Variants in RNF157 observed in about 807,000 individuals in gnomAD.
RNF157 encodes E3 ubiquitin ligase RNF157.
Under a neutral mutation model 88.3 loss-of-function variants are expected in RNF157, and 55 were observed. The ratio of observed to expected loss-of-function variants is 0.62; its 90% CI spans 0.50 to 0.78. The LOEUF is 0.78. Ranked by LOEUF, RNF157 falls within the 30% of genes least tolerant of loss-of-function variation. The probability of loss-of-function intolerance (pLI) is 0.00; values close to 1 mark genes in which losing one functional copy is unlikely to be tolerated. For missense variants in RNF157, 788 were observed against 860.8 expected, an observed-to-expected ratio of 0.92 and a Z score of 1.06; for synonymous variants, 334 against 341.2, an observed-to-expected ratio of 0.98 and a Z score of 0.23.
At chr17:76,215,517 G>A (rs2069873317) in intron 1 of RNF157, among the ~76,000 whole-genome samples, 3 of 136,274 alleles carry the variant, frequency 2.2e-5, no homozygotes, top group African/African-American at 5.6e-5. Flanking sequence ...AAAGAAAAAA[G>A]GAAAAAAAGA....
intron 2 of RNF157, among the ~76,000 whole-genome samples, chr17:76,204,632 A>C (rs73360646): frequency 0.1 from 15,711 of 152,226 alleles, 1,790 homozygotes; most frequent in African/African-American, 0.28. Context: ...TATACTACCA[A>C]GTTCCTTTAA....
In RNF157 at chr17:76,225,519, A is replaced by G. The variant is rs368915312; in HGVS notation, c.89-13037T>C. Among the ~76,000 whole-genome samples the G allele has an allele frequency of 1.1e-4, 17 of 152,234 alleles. No individual in the cohort carries two copies. The South Asian group carries it at 3.5e-3, about 32-fold the overall frequency. On this transcript the variant is annotated intron_variant, in intron 1 of 18. Transcript: ENST00000269391. ...CTGTTCTATTATTTTTTTTAATTGA[A>G]TGGACTATTTGAATGCACATATTGT... is the stretch of plus-strand genomic sequence containing the variant.
chr17:76,212,587 C>T (rs2069821289), intron 1 of RNF157, 105 bp from the exon 2 acceptor site: 10 of 708,614 alleles, frequency 1.4e-5, no homozygotes, highest in South Asian at 5.2e-5. Context: ...TTGGGCTGTG[C>T]GTGGTGGCTC....
rs1394691070 is a variant in RNF157, at chr17:76,143,366, A to C, written c.*1869T>G. 1.3e-5 allele frequency: 2 copies of C among 152,196 alleles called. No individual in the cohort carries two copies. The highest frequency in any genetic ancestry group is 2.9e-5 in the Non-Finnish European group (2 of 68,040). 9.4% of individuals were successfully genotyped at this position (152,196 alleles called of 1,614,324 possible). Reference sequence around the variant, plus strand: ...CCTCCCAGGTAACACCACACTGTGAATACTACCTGCAGGGGACAGGACAGG... The same window carrying C: ...CCTCCCAGGTAACACCACACTGTGACTACTACCTGCAGGGGACAGGACAGG... On this transcript the variant is annotated 3_prime_UTR_variant, in exon 19 of 19. Coordinates refer to ENST00000269391, the MANE Select transcript of RNF157 (RefSeq NM_052916.3).
At chr17:76,167,508 G>T in intron 4 of RNF157, 143 bp downstream of exon 4, 1 of 1,211,962 alleles carries the variant, frequency 8.3e-7, no homozygotes, top group Non-Finnish European at 1.2e-6. Flanking sequence ...CTTGCTGAGT[G>T]GATAAGACAT....
chr17:76,178,201 C>T (rs1397494338), intron 2 of RNF157, among the ~76,000 whole-genome samples: 1 of 152,222 alleles, frequency 6.6e-6, no homozygotes, highest in Non-Finnish European at 1.5e-5. Context: ...CGTCGGGGAG[C>T]CCAGACCTGG....
intron 1 of RNF157, chr17:76,225,947 T>C (rs1366552461): frequency 1.1e-5 from 17 of 1,612,292 alleles, no homozygotes; most frequent in Middle Eastern, 1.7e-4. Context: ...TGTCTTGTTT[T>C]GCTCCATTTT....
At chr17:76,228,507 G>GT (rs1333234160) in intron 1 of RNF157, among the ~76,000 whole-genome samples, 2 of 152,096 alleles carry the variant, frequency 1.3e-5, no homozygotes, top group Middle Eastern at 3.2e-3. Context: ...CATCCTTCTT[G>GT]TTTAACACTT....
chr17:76,154,161 T>C, intron 17 of RNF157, 122 bp downstream of exon 17: 1 of 744,898 alleles, frequency 1.3e-6, no homozygotes, highest in Non-Finnish European at 2.4e-6. Flanking sequence ...ATCTTTCCTC[T>C]AACAGCCCCA....
In RNF157 at chr17:76,165,526, A is replaced by C; in HGVS notation, c.648T>G (p.His216Gln). 1.9e-6 allele frequency: 3 copies of C among 1,614,246 alleles called. No individual in the cohort carries two copies. Among genetic ancestry groups the C allele is most frequent in the Non-Finnish European group, 1.7e-6 (2 of 1,180,036 alleles). The stretch of plus-strand genomic sequence containing the variant: ...CCTTCTCAAAAGTACCCAGCAGTAC[A>C]TGGCAATGGCCAAAATACTCTGAAA... ...DEGDEYFGHC[H>Q]VLLGTFEKHT... Residue 216 changes from histidine (H) to glutamine (Q), a missense_variant, in exon 7 of 19, where the codon CAT (histidine) becomes CAG (glutamine). By Grantham distance (24) the His-to-Gln change is conservative. Transcript: ENST00000269391.
intron 13 of RNF157, 102 bp downstream of exon 13, chr17:76,158,291 G>A: frequency 1.3e-6 from 1 of 790,690 alleles, no homozygotes; most frequent in South Asian, 1.4e-5. Context: ...CTGACAAGGT[G>A]TTTGATGAGT....
At chr17:76,207,898 G>C (rs776885996) in intron 2 of RNF157, among the ~76,000 whole-genome samples, 8 of 152,160 alleles carry the variant, frequency 5.3e-5, no homozygotes, top group Admixed American at 2.6e-4. Context: ...GGCGCTCCAA[G>C]AGAACATATC....
intron 2 of RNF157, among the ~76,000 whole-genome samples, chr17:76,187,931 A>G (rs868108863): frequency 6.6e-6 from 1 of 152,232 alleles, no homozygotes; most frequent in African/African-American, 2.4e-5. Flanking sequence ...ATTAATGTAA[A>G]GATGTGCGGA....
intron 17 of RNF157, chr17:76,153,116 T>A (rs558577460): frequency 1.4e-5 from 2 of 139,756 alleles, no homozygotes; most frequent in South Asian, 4.5e-4. Flanking sequence ...TCCCCTCTTT[T>A]TTTCTCAGTG....
intron 12 of RNF157, among the ~76,000 whole-genome samples, chr17:76,158,749 G>A (rs544697203): frequency 3.9e-5 from 6 of 152,186 alleles, no homozygotes; most frequent in East Asian, 3.9e-4. Flanking sequence ...TGCCTGGCTC[G>A]AAACCCAAAT....
At chr17:76,150,624 G>T (rs991599621) in intron 18 of RNF157, among the ~76,000 whole-genome samples, 2 of 127,374 alleles carry the variant, frequency 1.6e-5, no homozygotes, top group African/African-American at 3.3e-5. Context: ...AGCTAAGAAA[G>T]AGACATCATC....
rs1422250148 is a variant in RNF157 at position 76,143,740 on chromosome 17, C to CT, written c.*1494dup. ...CCTGGGCACCAGGCTCTTTTTGAGG[C>CT]TGCCTTGGAAACAGCCTTGAATTTT... On this transcript the variant is annotated 3_prime_UTR_variant, in exon 19 of 19. Transcript: ENST00000269391. 2 of 152,068 alleles carry CT rather than the reference C, an allele frequency of 1.3e-5. No individual in the cohort carries two copies. Among genetic ancestry groups the CT allele is most frequent in the Non-Finnish European group, 2.9e-5 (2 of 68,034 alleles). 9.4% of individuals were successfully genotyped at this position (152,068 alleles called of 1,614,324 possible).
At chr17:76,155,138 A>G (rs1303584417) in intron 16 of RNF157, 114 bp downstream of exon 16, 1 of 848,548 alleles carries the variant, frequency 1.2e-6, no homozygotes, top group Non-Finnish European at 2.0e-6. Context: ...CATGTCCCCT[A>G]GGAAGGCTTC....
At chr17:76,177,933 T>C (rs2069131294) in intron 2 of RNF157, among the ~76,000 whole-genome samples, 1 of 152,156 alleles carries the variant, frequency 6.6e-6, no homozygotes, top group South Asian at 2.1e-4. Context: ...GTCTCTATGC[T>C]AGGACACTTG....
Sources: gnomAD v4.1 joint callset for allele counts (sites outside exome capture counted in the v4.1 genomes callset) on GRCh38, gnomAD v4.1.1 for gene constraint, MANE v1.5 for transcripts, NCBI Gene and HGNC (gene_info 2026-07-23, HGNC 2026-07-21) for gene names.